Variants in AMPD3 observed in about 807,000 individuals in gnomAD.
AMPD3 encodes the protein adenosine monophosphate deaminase 3.
In AMPD3, 57 loss-of-function variants were observed where a neutral mutation model predicts 82.3. The observed-to-expected ratio is 0.69, with a 90% CI of 0.56 to 0.86. AMPD3 has a LOEUF of 0.86. Ranked by LOEUF, AMPD3 falls within the 40% of genes least tolerant of loss-of-function variation. AMPD3 has a pLI of 0.00. For missense variants in AMPD3, 870 were observed against 1,003.8 expected, an observed-to-expected ratio of 0.87 and a Z score of 1.80; for synonymous variants, 381 against 394.7, an observed-to-expected ratio of 0.97 and a Z score of 0.41.
Position 10,472,707 on chromosome 11 carries a change from G to C in AMPD3, c.222-5819G>C, listed in dbSNP as rs186453850. 4.3e-4 allele frequency among the ~76,000 whole-genome samples: 65 copies of C among 152,306 alleles called. 1 individual carries two copies. In the East Asian group the frequency reaches 0.012, roughly 27 times the overall value. The stretch of plus-strand genomic sequence containing the variant: ...AATAGTCAATCTATCCCCTTTTAAA[G>C]TTAGGGAGAGATTGGGCTGGGCGCG... On this transcript the variant is annotated intron_variant, in intron 2 of 14. Coordinates refer to ENST00000396553, the MANE Select transcript of AMPD3 (RefSeq NM_001025389.2).
At position 10,494,925 on chromosome 11, in the gene AMPD3, C is replaced by G; in HGVS notation, c.1161C>G (p.Asp387Glu). The G allele has an allele frequency of 6.2e-7, 1 of 1,614,232 alleles. No homozygotes were observed. The highest frequency in any genetic ancestry group is 2.2e-5 in the East Asian group (1 of 44,890). Residue 387 changes from aspartate (D) to glutamate (E), a missense_variant, in exon 8 of 15, where the codon GAC (aspartate) becomes GAG (glutamate). Physicochemically the swap from Asp to Glu is conservative, Grantham distance 45. Coordinates refer to ENST00000396553, the MANE Select transcript of AMPD3 (RefSeq NM_001025389.2). ...HAGRQTFHRF[D>E]KFNSKYNPVG... ...GCCGGCAGACATTCCACCGCTTTGACAAGTTCAACTCCAAATACAACCCTG... is the reference window on the plus strand; with the variant it reads ...GCCGGCAGACATTCCACCGCTTTGAGAAGTTCAACTCCAAATACAACCCTG...
chr11:10,502,116 A>G (rs1849597278), intron 12 of AMPD3: 1 of 985,292 alleles, frequency 1.0e-6, no homozygotes, highest in Non-Finnish European at 1.2e-6. Flanking sequence ...CTGTGCATAC[A>G]GTCTTCTCCG....
intron 6 of AMPD3, among the ~76,000 whole-genome samples, chr11:10,491,374 A>G (rs1220874485): frequency 6.6e-6 from 1 of 152,126 alleles, no homozygotes; most frequent in East Asian, 1.9e-4. Flanking sequence ...ACTGGGGATG[A>G]GGGGTTGGGG....
In AMPD3 at chr11:10,456,444, G is replaced by A. The variant is rs1478603626; in HGVS notation, c.-6+996G>A. 6.2e-7 allele frequency: 1 copy of A among 1,613,658 alleles called. No individual in the cohort carries two copies. The highest frequency in any genetic ancestry group is 8.5e-7 in the Non-Finnish European group (1 of 1,179,706). On this transcript the variant is annotated intron_variant, in intron 1 of 14. Transcript: ENST00000396553. The surrounding 1 kb of genome is among the most constrained non-coding windows in gnomAD (Gnocchi z 4.3). ...CTGCAAGGGGAGTCTGGCAAGAGTA[G>A]GAACCAGCTTCCTTCGTATAACGAG...
Position 10,495,023 on chromosome 11 carries a change from TG to T in AMPD3, c.1261del (p.Val421SerfsTer100). The part of the protein sequence containing the change: ...NYLGGEYFAR[M>X]VKEVARELEE... Reference sequence around the variant, plus strand: ...CTGGGAGGAGAGTACTTTGCTCGGATGGTCAAGGTGAGTGAACCCTCAGTCT... The same window carrying T: ...CTGGGAGGAGAGTACTTTGCTCGGATGTCAAGGTGAGTGAACCCTCAGTCT... On this transcript the variant is annotated frameshift_variant, in exon 8 of 15. Coordinates refer to ENST00000396553, the MANE Select transcript of AMPD3 (RefSeq NM_001025389.2). LOFTEE classifies it high-confidence loss of function. 1 of 1,614,176 alleles carries T rather than the reference TG, an allele frequency of 6.2e-7. No individual in the cohort carries two copies. Among genetic ancestry groups the T allele is most frequent in the Non-Finnish European group, 8.5e-7 (1 of 1,180,004 alleles).
intron 10 of AMPD3, chr11:10,497,584 G>A (rs915935406): frequency 3.2e-5 from 32 of 985,410 alleles, no homozygotes; most frequent in Middle Eastern, 5.2e-4. Flanking sequence ...CGGGGAGCCC[G>A]AGGGCTGGGG....
In AMPD3 at chr11:10,502,737, A is replaced by G. The variant is rs1464447065; in HGVS notation, c.1859A>G (p.Tyr620Cys). Residue 620 changes from tyrosine to cysteine, a missense_variant, in exon 13 of 15, where the codon TAT becomes TGT. Physicochemically the swap from Tyr to Cys is radical, Grantham distance 194. Transcript: ENST00000396553. Reference protein sequence around the residue: ...LLLKKSPVLQYLYYLAQIPIA... With the variant: ...LLLKKSPVLQCLYYLAQIPIA... ...CTTTTGCAGAGTCCGGTATTGCAGT[A>G]TCTCTACTACCTTGCTCAGATCCCC... is the stretch of plus-strand genomic sequence containing the variant. The G allele has an allele frequency of 5.0e-6, 8 of 1,614,000 alleles. No individual in the cohort carries two copies. The African/African-American group carries it at 9.3e-5, about 19-fold the overall frequency.
At chr11:10,500,057 G>T (rs1283449772) in intron 10 of AMPD3, 29 bp from the exon 11 acceptor site, 1 of 1,613,936 alleles carries the variant, frequency 6.2e-7, no homozygotes, top group Non-Finnish European at 8.5e-7. Flanking sequence ...TCCTGCCTTG[G>T]CCTGGTGCTC....
upstream of AMPD3, chr11:10,450,446 C>T: frequency 1.0e-6 from 1 of 985,916 alleles, no homozygotes; most frequent in Non-Finnish European, 1.2e-6. Context: ...GGGAGCAAGT[C>T]ACCTGTGCGG....
chr11:10,493,345 C>T lies in AMPD3; in HGVS notation c.940-4C>T. 1 of 1,614,036 alleles carries T rather than the reference C, an allele frequency of 6.2e-7. No homozygotes were observed. The highest frequency in any genetic ancestry group is 8.5e-7 in the Non-Finnish European group (1 of 1,180,020). ...CTCAGGGCCTGGTGGGCGCTGTGTTCCAGGTGGACACACACATCCATGCGG... is the reference window on the plus strand; with the variant it reads ...CTCAGGGCCTGGTGGGCGCTGTGTTTCAGGTGGACACACACATCCATGCGG... On this transcript the variant is annotated splice_polypyrimidine_tract_variant and splice_region_variant and intron_variant, in intron 6 of 14. Coordinates refer to ENST00000396553, the MANE Select transcript of AMPD3 (RefSeq NM_001025389.2).
chr11:10,491,297 CT>C (rs1229369585), intron 6 of AMPD3, among the ~76,000 whole-genome samples: 1 of 152,160 alleles, frequency 6.6e-6, no homozygotes, highest in Non-Finnish European at 1.5e-5. Context: ...CATCCCTCAG[CT>C]TAGCTGGGGC....
In AMPD3 at chr11:10,506,244, T is replaced by C. The variant is rs1227479152; in HGVS notation, c.*360T>C. The stretch of plus-strand genomic sequence containing the variant: ...TGGTTTTCTGCCATACTTTTCTCCA[T>C]TGGCCCAGGTAGGCTAATTGGTAGT... On this transcript the variant is annotated 3_prime_UTR_variant, in exon 15 of 15. Coordinates refer to ENST00000396553, the MANE Select transcript of AMPD3 (RefSeq NM_001025389.2). The surrounding 1 kb of genome is among the most constrained non-coding windows in gnomAD (Gnocchi z 4.1). The C allele has an allele frequency of 1.9e-5, 6 of 310,904 alleles. No homozygotes were observed. Among genetic ancestry groups the C allele is most frequent in the East Asian group, 8.1e-5 (1 of 12,320 alleles). The allele number at this position is 310,904 out of a possible 1,614,324, so 19.3% of individuals were successfully genotyped here. A position where few individuals can be genotyped will look rare whatever the true frequency, so the allele number is the denominator to read the frequency against.
At chr11:10,463,012 G>T (rs1461967856) in intron 2 of AMPD3, among the ~76,000 whole-genome samples, 1 of 152,130 alleles carries the variant, frequency 6.6e-6, no homozygotes, top group Non-Finnish European at 1.5e-5. Context: ...GTTTGGATTG[G>T]AGTCTAAGTG....
At chr11:10,461,484 C>T in intron 1 of AMPD3, 31 bp from the exon 2 acceptor site, 1 of 1,613,936 alleles carries the variant, frequency 6.2e-7, no homozygotes, top group Non-Finnish European at 8.5e-7. Flanking sequence ...TCAGGGCATC[C>T]TGCAATTCAT....
chr11:10,469,867 C>T (rs1047614937), intron 2 of AMPD3, among the ~76,000 whole-genome samples: 13 of 151,782 alleles, frequency 8.6e-5, no homozygotes, highest in African/African-American at 2.4e-4. Flanking sequence ...GGTGAAACCC[C>T]GTCTCTACTA....
At chr11:10,457,921 A>G (rs1017241274) in intron 1 of AMPD3, among the ~76,000 whole-genome samples, 9 of 146,674 alleles carry the variant, frequency 6.1e-5, no homozygotes, top group South Asian at 2.1e-4. Flanking sequence ...TGCATGCTTC[A>G]TGAGCAAACA....
chr11:10,505,801 T>C lies in AMPD3; in HGVS notation c.2221T>C (p.Phe741Leu). The part of the protein sequence containing the change: ...KTNVAQIRMA[F>L]RYETLCNELS... ...AAATGTGGCTCAGATCCGGATGGCATTCCGATATGAGACCTTATGCAATGA... is the reference window on the plus strand; with the variant it reads ...AAATGTGGCTCAGATCCGGATGGCACTCCGATATGAGACCTTATGCAATGA... The change falls in exon 15 of 15, where the codon TTC becomes CTC. Residue 741 changes from phenylalanine (F) to leucine (L), a missense_variant. By Grantham distance (22) the Phe-to-Leu change is conservative (BLOSUM62 0). Transcript: ENST00000396553. 6.2e-7 allele frequency: 1 copy of C among 1,614,224 alleles called. No individual in the cohort carries two copies. The highest frequency in any genetic ancestry group is 8.5e-7 in the Non-Finnish European group (1 of 1,180,050).
Position 10,502,365 on chromosome 11 carries a change from G to A in AMPD3, c.1843-356G>A, listed in dbSNP as rs555577178. Reference sequence around the variant, plus strand: ...AAAGCAATAAAACAGCTAGAGGGGGGCATCTTCTAGACTGGGTCCGTGCCT... The same window carrying A: ...AAAGCAATAAAACAGCTAGAGGGGGACATCTTCTAGACTGGGTCCGTGCCT... On this transcript the variant is annotated intron_variant, in intron 12 of 14. Coordinates refer to ENST00000396553, the MANE Select transcript of AMPD3 (RefSeq NM_001025389.2). The A allele has an allele frequency of 1.8e-5, 18 of 985,452 alleles. No homozygotes were observed. In the East Asian group the frequency reaches 1.7e-3, roughly 93 times the overall value. 61.0% of individuals were successfully genotyped at this position (985,452 alleles called of 1,614,324 possible).
chr11:10,486,210 CCCTT>C (rs1391514245), intron 5 of AMPD3, among the ~76,000 whole-genome samples: 1 of 152,144 alleles, frequency 6.6e-6, no homozygotes, highest in Non-Finnish European at 1.5e-5. Context: ...CCTTTAAACT[CCCTT>C]CCGACTCTGA....
Sources: allele counts gnomAD v4.1 joint callset (sites outside exome capture counted in the v4.1 genomes callset), GRCh38; gene constraint gnomAD v4.1.1; non-coding constraint Gnocchi (gnomAD v3.1); transcripts MANE v1.5; gene names NCBI Gene and HGNC (gene_info 2026-07-23, HGNC 2026-07-21).